The following MAST4 variants were observed in gnomAD, a reference collection of about 807,000 sequenced individuals.
The protein encoded by MAST4 is microtubule-associated serine/threonine-protein kinase 4.
In MAST4, 89 loss-of-function variants were observed where a neutral mutation model predicts 162.7. That is an observed-to-expected ratio of 0.55 (90% CI 0.46 to 0.65). The LOEUF (loss-of-function observed/expected upper bound fraction) is 0.65, where lower values mean the gene tolerates loss of function less well. Ranked by LOEUF, MAST4 falls within the 30% of genes least tolerant of loss-of-function variation. The pLI, the probability that MAST4 is intolerant of heterozygous loss-of-function variation, is 0.00. For missense variants in MAST4, 3,153 were observed against 3,374.0 expected, an observed-to-expected ratio of 0.93 and a Z score of 1.62; for synonymous variants, 1,479 against 1,361.1, an observed-to-expected ratio of 1.09 and a Z score of -1.91.
intron 4 of MAST4, among the ~76,000 whole-genome samples, chr5:66,951,273 C>T (rs1744645355): frequency 6.6e-6 from 1 of 152,144 alleles, no homozygotes. Flanking sequence ...CCCATGTTAT[C>T]CTAAGAAAAG....
chr5:67,045,658 A>C (rs1468846071), intron 4 of MAST4, among the ~76,000 whole-genome samples: 1 of 152,182 alleles, frequency 6.6e-6, no homozygotes, highest in Non-Finnish European at 1.5e-5. Flanking sequence ...TTAAGTAGAG[A>C]GTTTCATTGG....
chr5:67,024,336 TAC>T (rs775487954), intron 4 of MAST4, among the ~76,000 whole-genome samples: 59 of 141,156 alleles, frequency 4.2e-4, no homozygotes, highest in East Asian at 3.6e-3. Context: ...TATATATATA[TAC>T]ACACACACAC....
chr5:66,634,960 A>C (rs1745013450), intron 1 of MAST4, among the ~76,000 whole-genome samples: 1 of 152,242 alleles, frequency 6.6e-6, no homozygotes, highest in Non-Finnish European at 1.5e-5. Flanking sequence ...CCAGATGTGC[A>C]GAAAACCCAA....
chr5:66,651,918 G>A (rs1746247256), intron 1 of MAST4, among the ~76,000 whole-genome samples: 2 of 152,314 alleles, frequency 1.3e-5, no homozygotes, highest in South Asian at 4.1e-4. Flanking sequence ...TACATGGAGT[G>A]AGCAAAACAA....
chr5:66,914,218 C>T (rs1763958422), intron 4 of MAST4, among the ~76,000 whole-genome samples: 1 of 151,846 alleles, frequency 6.6e-6, no homozygotes, highest in Non-Finnish European at 1.5e-5. Flanking sequence ...GAAAAGTTGA[C>T]CAGTACTTAT....
At chr5:66,961,467 A>G (rs1325696737) in intron 4 of MAST4, among the ~76,000 whole-genome samples, 2 of 152,232 alleles carry the variant, frequency 1.3e-5, no homozygotes, top group African/African-American at 4.8e-5. Context: ...TGGATTTATC[A>G]GTAAACACAG....
chr5:66,881,490 G>A (rs1354950167), intron 3 of MAST4, among the ~76,000 whole-genome samples: 1 of 152,158 alleles, frequency 6.6e-6, no homozygotes, highest in Non-Finnish European at 1.5e-5. Context: ...TTTTGCAGCT[G>A]GCAAAAGTTG....
chr5:66,704,895 C>T (rs991020900), intron 1 of MAST4, among the ~76,000 whole-genome samples: 2 of 152,124 alleles, frequency 1.3e-5, no homozygotes, highest in African/African-American at 4.8e-5. Context: ...GCTTGCTTCT[C>T]GGAAAGCAGT....
intron 2 of MAST4, among the ~76,000 whole-genome samples, chr5:66,764,622 C>T (rs1754004209): frequency 6.8e-6 from 1 of 147,710 alleles, no homozygotes; most frequent in African/African-American, 2.5e-5. Flanking sequence ...AGTTTTTAAA[C>T]AAAAAAGTTT....
intron 1 of MAST4, among the ~76,000 whole-genome samples, chr5:66,715,073 A>C (rs748755991): frequency 3.3e-5 from 5 of 152,212 alleles, no homozygotes; most frequent in African/African-American, 9.6e-5. Flanking sequence ...AAATTACTTC[A>C]GATGTTCAGC....
Position 66,889,415 on chromosome 5 carries a change from T to C in MAST4, c.643-10536T>C, listed in dbSNP as rs115151804. ...TTAATTTTATAGAGATCCTGAAGGATCTCTAAATTTGCACTATCCTAAAGG... is the reference window on the plus strand; with the variant it reads ...TTAATTTTATAGAGATCCTGAAGGACCTCTAAATTTGCACTATCCTAAAGG... On this transcript the variant is annotated intron_variant, in intron 3 of 28. Transcript: ENST00000403625. Among the ~76,000 whole-genome samples the C allele has an allele frequency of 7.6e-3, 1,163 of 152,304 alleles. 21 individuals are homozygous for C. Among genetic ancestry groups the C allele is most frequent in the African/African-American group, 0.026 (1,101 of 41,570 alleles).
chr5:67,057,371 G>A (rs1758964329), intron 5 of MAST4, among the ~76,000 whole-genome samples: 1 of 152,028 alleles, frequency 6.6e-6, no homozygotes, highest in African/African-American at 2.4e-5. Flanking sequence ...ACTTTTCTTA[G>A]GTGGGGATTA....
intron 1 of MAST4, among the ~76,000 whole-genome samples, chr5:66,737,733 C>T (rs917682334): frequency 3.8e-4 from 58 of 152,148 alleles, no homozygotes; most frequent in Admixed American, 3.3e-3. Flanking sequence ...ACAAGACAAG[C>T]CTTTCTTTTG....
intron 1 of MAST4, among the ~76,000 whole-genome samples, chr5:66,747,097 GGT>G (rs138318051): frequency 0.2 from 29,642 of 145,912 alleles, 3,147 homozygotes; most frequent in Non-Finnish European, 0.26. Flanking sequence ...GCATGCGCAT[GGT>G]GTGTGTGTGT....
intron 4 of MAST4, among the ~76,000 whole-genome samples, chr5:66,907,248 G>C (rs983149844): frequency 7.1e-6 from 1 of 141,600 alleles, no homozygotes; most frequent in South Asian, 2.3e-4. Context: ...AGAATCCCAG[G>C]TCACCACACA....
At chr5:66,889,259 C>T (rs914481489) in intron 3 of MAST4, among the ~76,000 whole-genome samples, 23 of 152,274 alleles carry the variant, frequency 1.5e-4, no homozygotes, top group African/African-American at 5.1e-4. Flanking sequence ...TCTAAGCTCA[C>T]TGTAGGTCAC....
chr5:66,650,075 C>A (rs1388367123), intron 1 of MAST4, among the ~76,000 whole-genome samples: 5 of 152,170 alleles, frequency 3.3e-5, no homozygotes, highest in African/African-American at 9.6e-5. Context: ...ACCGTTGCCA[C>A]AATAATGTTG....
chr5:66,902,820 G>A (rs898027480), intron 4 of MAST4: 29 of 378,568 alleles, frequency 7.7e-5, no homozygotes, highest in Non-Finnish European at 1.2e-4. Context: ...TCCATTCAAC[G>A]AATAGCCATT....
rs1274035672 is a variant in MAST4 at position 66,596,756 on chromosome 5, C to T, written c.101C>T (p.Pro34Leu). 2 of 1,401,212 alleles carry T rather than the reference C, an allele frequency of 1.4e-6. No individual in the cohort carries two copies. Among genetic ancestry groups the T allele is most frequent in the South Asian group, 1.8e-5 (1 of 56,116 alleles). The allele number at this position is 1,401,212 out of a possible 1,614,324, so 86.8% of individuals were successfully genotyped here. The change falls in exon 1 of 29, where the codon CCG becomes CTG. Residue 34 changes from proline to leucine, a missense_variant. Physicochemically the swap from Pro to Leu is moderately conservative, Grantham distance 98. Around this residue, in one of 7 missense-constraint regions of MAST4, gnomAD observed 327 missense variants for 336.5 expected, o/e 0.97. Transcript: ENST00000403625. ...TCTGCGCTGGTCGCCGCGTCCTCTC[C>T]GGGTGCTTCCTCGGCCGAGTCCTCC... ...PASALVAASS[P>L]GASSAESSSG... is the part of the protein sequence containing the mutation.
Sources: gnomAD v4.1 joint callset for allele counts (sites outside exome capture counted in the v4.1 genomes callset) on GRCh38, gnomAD v4.1.1 for gene constraint, gnomAD v4.1.1 regional missense constraint, MANE v1.5 for transcripts, NCBI Gene and HGNC (gene_info 2026-07-23, HGNC 2026-07-21) for gene names.